SLC14A2: variants seen among roughly 807,000 people sequenced by gnomAD.
SLC14A2 encodes solute carrier family 14 member 2, also known as urea transporter 2.
Under a neutral mutation model 104.6 loss-of-function variants are expected in SLC14A2, and 91 were observed. The ratio of observed to expected loss-of-function variants is 0.87; its 90% CI spans 0.73 to 1.04. The LOEUF (loss-of-function observed/expected upper bound fraction) is 1.04, where lower values mean the gene tolerates loss of function less well. Among genes scored for constraint, SLC14A2 ranks in the 50% least tolerant of loss-of-function variants. The pLI is 0.00. For missense variants in SLC14A2, 1,189 were observed against 1,156.0 expected, an observed-to-expected ratio of 1.03 and a Z score of -0.41; for synonymous variants, 476 against 466.4, an observed-to-expected ratio of 1.02 and a Z score of -0.27.
At chr18:45,638,094 G>A (rs2045453004) in intron 6 of SLC14A2, among the ~76,000 whole-genome samples, 1 of 152,168 alleles carries the variant, frequency 6.6e-6, no homozygotes, top group Admixed American at 6.5e-5. Context: ...TTCCCGGATG[G>A]AAAGGTGGAC....
chr18:45,578,006 A>C (rs1016741798), intron 2 of SLC14A2, among the ~76,000 whole-genome samples: 1 of 152,204 alleles, frequency 6.6e-6, no homozygotes, highest in African/African-American at 2.4e-5. Flanking sequence ...AACTCACTCC[A>C]TTCCAAGGCC....
chr18:45,191,863 C>T, the SLC14A2 span, among the ~76,000 whole-genome samples: 1 of 151,902 alleles, frequency 6.6e-6, no homozygotes, highest in African/African-American at 2.4e-5. Flanking sequence ...CATATCTTGC[C>T]TCTGCAGAAA....
chr18:45,455,590 C>T (rs1041573853), intron 1 of SLC14A2, among the ~76,000 whole-genome samples: 28 of 151,640 alleles, frequency 1.8e-4, no homozygotes, highest in African/African-American at 6.1e-4. Flanking sequence ...ACGTGTATAC[C>T]TACGTAACAA....
At chr18:45,376,106 C>T (rs968761455) in intron 1 of SLC14A2, among the ~76,000 whole-genome samples, 1 of 152,160 alleles carries the variant, frequency 6.6e-6, no homozygotes, top group East Asian at 1.9e-4. Flanking sequence ...CTTACTTTTT[C>T]TTTAAGGTAC....
At chr18:45,284,406 C>T (rs2084792959) in intron 1 of SLC14A2, among the ~76,000 whole-genome samples, 1 of 152,180 alleles carries the variant, frequency 6.6e-6, no homozygotes, top group African/African-American at 2.4e-5. Context: ...TATGTTTCTC[C>T]CCTCTCTGTG....
intron 1 of SLC14A2, among the ~76,000 whole-genome samples, chr18:45,313,360 G>T (rs1258322938): frequency 1.3e-5 from 2 of 152,028 alleles, no homozygotes; most frequent in African/African-American, 4.8e-5. Context: ...ATGACTGCAG[G>T]GCCTGAGACC....
chr18:45,556,697 T>C (rs1283673616), intron 2 of SLC14A2, among the ~76,000 whole-genome samples: 1 of 152,260 alleles, frequency 6.6e-6, no homozygotes, highest in Non-Finnish European at 1.5e-5. Context: ...TCTGTATTTA[T>C]ATTTACACAA....
intron 1 of SLC14A2, among the ~76,000 whole-genome samples, chr18:45,475,750 T>G (rs1692530186): frequency 6.8e-6 from 1 of 146,414 alleles, no homozygotes; most frequent in South Asian, 2.1e-4. Context: ...TTCTTTGTCT[T>G]TTTTTATCTT....
chr18:45,346,966 T>C (rs2085454535), intron 1 of SLC14A2, among the ~76,000 whole-genome samples: 1 of 146,450 alleles, frequency 6.8e-6, no homozygotes, highest in Non-Finnish European at 1.5e-5. Flanking sequence ...GACTCAAAAA[T>C]AAAAATAAAA....
intron 1 of SLC14A2, among the ~76,000 whole-genome samples, chr18:45,274,256 T>C (rs1260635308): frequency 1.3e-5 from 2 of 152,180 alleles, no homozygotes; most frequent in Non-Finnish European, 2.9e-5. Context: ...TCATGCAAGA[T>C]GTGTGTTGTT....
intron 1 of SLC14A2, among the ~76,000 whole-genome samples, chr18:45,622,752 G>C (rs1256065216): frequency 6.6e-6 from 1 of 152,122 alleles, no homozygotes; most frequent in African/African-American, 2.4e-5. Context: ...GAACACCACT[G>C]AGCAGCCTGG....
At chr18:45,646,120 C>T (rs2045622697) in intron 10 of SLC14A2, 1 of 152,248 alleles carries the variant, frequency 6.6e-6, no homozygotes, top group Admixed American at 6.5e-5. Context: ...CAAGACCCGC[C>T]TTCTACATTG....
chr18:45,194,182 C>T, the SLC14A2 span, among the ~76,000 whole-genome samples: 1 of 152,252 alleles, frequency 6.6e-6, no homozygotes, highest in East Asian at 1.9e-4. Flanking sequence ...TATATGAATG[C>T]CTTTATTTCC....
chr18:45,571,760 C>T (rs188374814), intron 2 of SLC14A2, among the ~76,000 whole-genome samples: 129 of 152,294 alleles, frequency 8.5e-4, no homozygotes, highest in African/African-American at 2.5e-3. Context: ...GCCAAGACAA[C>T]GGCAGTCTGA....
intron 1 of SLC14A2, among the ~76,000 whole-genome samples, chr18:45,402,739 G>T (rs1381752322): frequency 6.6e-6 from 1 of 152,022 alleles, no homozygotes; most frequent in East Asian, 1.9e-4. Flanking sequence ...GGGAGGAGTT[G>T]GCACAGCTAG....
chr18:45,646,258 C>A (rs2045625411), intron 10 of SLC14A2: 1 of 152,142 alleles, frequency 6.6e-6, no homozygotes, highest in Non-Finnish European at 1.5e-5. Context: ...GTTTTCCAGG[C>A]AGGAAGGACA....
At chr18:45,576,346 C>T (rs185556192) in intron 2 of SLC14A2, among the ~76,000 whole-genome samples, 140 of 141,230 alleles carry the variant, frequency 9.9e-4, no homozygotes, top group African/African-American at 3.5e-3. Flanking sequence ...TACAATGGCG[C>T]GATCTCGGCT....
At chr18:45,255,816 A>G (rs2084471492) in intron 1 of SLC14A2, among the ~76,000 whole-genome samples, 1 of 151,538 alleles carries the variant, frequency 6.6e-6, no homozygotes, top group Non-Finnish European at 1.5e-5. Flanking sequence ...CAGCCCCTGC[A>G]CCCCCTGCAC....
chr18:45,492,643 C>G (rs1437153989), intron 2 of SLC14A2, among the ~76,000 whole-genome samples: 1 of 152,128 alleles, frequency 6.6e-6, no homozygotes. Flanking sequence ...TTCTTTAATT[C>G]AATCAGCAAT....
Sources: gnomAD v4.1 joint callset for allele counts (sites outside exome capture counted in the v4.1 genomes callset) on GRCh38, gnomAD v4.1.1 for gene constraint, MANE v1.5 for transcripts, NCBI Gene and HGNC (gene_info 2026-07-23, HGNC 2026-07-21) for gene names.